HMGN5: variants seen among roughly 807,000 people sequenced by gnomAD.
HMGN5 encodes high mobility group nucleosome binding domain 5.
In HMGN5, 4 loss-of-function variants were observed where a neutral mutation model predicts 9.5. That is an observed-to-expected ratio of 0.42 (90% CI 0.21 to 0.96). HMGN5 has a LOEUF of 0.96. Among genes scored for constraint, HMGN5 ranks in the 40% least tolerant of loss-of-function variants. HMGN5 has a pLI of 0.30. For missense variants in HMGN5, 192 were observed against 187.5 expected, an observed-to-expected ratio of 1.02 and a Z score of -0.14; for synonymous variants, 55 against 57.1, an observed-to-expected ratio of 0.96 and a Z score of 0.16.
intron 1 of HMGN5, among the ~76,000 whole-genome samples, chrX:81,143,657 C>T (rs748841295): frequency 1.2e-4 from 14 of 112,462 alleles, no homozygotes; most frequent in East Asian, 5.7e-4. Flanking sequence ...CTGTGCTTTT[C>T]GCATGGTCTT....
chrX:81,119,637 G>C (rs1005920656), intron 3 of HMGN5, 151 bp downstream of exon 3: 9 of 393,387 alleles, frequency 2.3e-5, no homozygotes, highest in African/African-American at 1.8e-4. Context: ...TCTGAAATTC[G>C]GATATATATT....
At chrX:81,125,103 A>G (rs899094223) in intron 1 of HMGN5, among the ~76,000 whole-genome samples, 2 of 108,631 alleles carry the variant, frequency 1.8e-5, no homozygotes, top group Non-Finnish European at 3.8e-5. Context: ...TATATATATG[A>G]TTAATTAAAA....
chrX:81,124,917 C>A (rs1394141789), intron 1 of HMGN5, among the ~76,000 whole-genome samples: 1 of 110,209 alleles, frequency 9.1e-6, no homozygotes, highest in East Asian at 2.8e-4. Flanking sequence ...CATTTAGTAA[C>A]CAGTTAAAAA....
intron 1 of HMGN5, among the ~76,000 whole-genome samples, chrX:81,177,530 T>C (rs867109603): frequency 5.3e-4 from 58 of 110,145 alleles, no homozygotes; most frequent in African/African-American, 1.9e-3. Context: ...TAAATATATA[T>C]GTACCCAATA....
chrX:81,153,177 G>T (rs189444307), intron 1 of HMGN5, among the ~76,000 whole-genome samples: 23 of 108,263 alleles, frequency 2.1e-4, no homozygotes, highest in African/African-American at 5.4e-4. Flanking sequence ...AATAAAAAAA[G>T]AAAACTATAG....
At chrX:81,187,938 T>C (rs1268575096) in intron 1 of HMGN5, among the ~76,000 whole-genome samples, 1 of 111,585 alleles carries the variant, frequency 9.0e-6, no homozygotes, top group Non-Finnish European at 1.9e-5. Context: ...CCATTATTTT[T>C]AGTTAGAAAC....
chrX:81,142,812 C>T (rs1374182987), intron 1 of HMGN5, among the ~76,000 whole-genome samples: 1 of 111,489 alleles, frequency 9.0e-6, no homozygotes, highest in Non-Finnish European at 1.9e-5. Context: ...AGTAAGTAAA[C>T]AGAAACACAC....
At position 81,120,677 on chromosome X, in the gene HMGN5, A is replaced by G. The variant is rs140989967; in HGVS notation, c.15+858T>C. Among the ~76,000 whole-genome samples the G allele has an allele frequency of 4.6e-3, 517 of 111,607 alleles. 1 individual carries two copies. The highest frequency in any genetic ancestry group is 7.5e-3 in the Non-Finnish European group (399 of 53,158). ...TAGTGTTATACGGTTTTACCAAGCA[A>G]TGAAACAGCGTTCGATTTCACTTCT... On this transcript the variant is annotated intron_variant, in intron 2 of 6. Coordinates refer to ENST00000358130, the MANE Select transcript of HMGN5 (RefSeq NM_030763.3).
At chrX:81,198,551 T>C (rs1401885479) in intron 1 of HMGN5, among the ~76,000 whole-genome samples, 1 of 111,822 alleles carries the variant, frequency 8.9e-6, no homozygotes, top group Non-Finnish European at 1.9e-5. Context: ...GCTTCATCCC[T>C]GGGATGCAAG....
At chrX:81,171,434 A>G (rs923438098) in intron 1 of HMGN5, among the ~76,000 whole-genome samples, 2 of 111,871 alleles carry the variant, frequency 1.8e-5, no homozygotes, top group African/African-American at 6.5e-5. Context: ...CTAGTTCTAC[A>G]TAAACTTTGG....
intron 1 of HMGN5, among the ~76,000 whole-genome samples, chrX:81,167,553 T>C (rs752440550): frequency 3.6e-5 from 4 of 112,023 alleles, no homozygotes; most frequent in Admixed American, 1.9e-4. Context: ...CTTATATTTA[T>C]TTTTCTATCT....
intron 1 of HMGN5, among the ~76,000 whole-genome samples, chrX:81,159,952 T>C (rs1161720267): frequency 8.9e-6 from 1 of 112,338 alleles, no homozygotes; most frequent in Non-Finnish European, 1.9e-5. Context: ...TAGATATAAT[T>C]TATTGACATA....
At chrX:81,168,843 A>G (rs2147633515) in intron 1 of HMGN5, among the ~76,000 whole-genome samples, 1 of 111,681 alleles carries the variant, frequency 9.0e-6, no homozygotes, top group African/African-American at 3.3e-5. Context: ...AGTGCTTGGG[A>G]ACTAAGACTG....
At chrX:81,188,627 T>C (rs2075485242) in intron 1 of HMGN5, among the ~76,000 whole-genome samples, 1 of 105,000 alleles carries the variant, frequency 9.5e-6, no homozygotes, top group African/African-American at 3.5e-5. Flanking sequence ...CCCTCCCCCC[T>C]CTCCCCACCC....
chrX:81,170,181 C>T (rs2075422172), intron 1 of HMGN5, among the ~76,000 whole-genome samples: 1 of 109,445 alleles, frequency 9.1e-6, no homozygotes, highest in Non-Finnish European at 1.9e-5. Flanking sequence ...GGAGGCATTA[C>T]TACAGCAAGG....
intron 1 of HMGN5, among the ~76,000 whole-genome samples, chrX:81,158,058 G>A (rs1395996427): frequency 9.0e-6 from 1 of 111,573 alleles, no homozygotes; most frequent in Non-Finnish European, 1.9e-5. Context: ...GGGATTACAG[G>A]TGTGAGCCAC....
chrX:81,141,575 C>T (rs985280649), intron 1 of HMGN5, among the ~76,000 whole-genome samples: 5 of 111,526 alleles, frequency 4.5e-5, no homozygotes, highest in Non-Finnish European at 7.5e-5. Flanking sequence ...ACAGAATATT[C>T]TCCCAGTTCT....
At chrX:81,191,987 A>G (rs991467119) in intron 1 of HMGN5, among the ~76,000 whole-genome samples, 1 of 111,244 alleles carries the variant, frequency 9.0e-6, no homozygotes, top group Non-Finnish European at 1.9e-5. Flanking sequence ...TTTTTTCTAT[A>G]TAAGTAAAGT....
intron 1 of HMGN5, among the ~76,000 whole-genome samples, chrX:81,126,097 G>T (rs749153490): frequency 8.3e-5 from 8 of 95,904 alleles, no homozygotes; most frequent in African/African-American, 3.2e-4. Flanking sequence ...GCAATGAGCC[G>T]AGATCATGCC....
Sources: gnomAD v4.1 joint callset for allele counts (sites outside exome capture counted in the v4.1 genomes callset) on GRCh38, gnomAD v4.1.1 for gene constraint, MANE v1.5 for transcripts, NCBI Gene and HGNC (gene_info 2026-07-23, HGNC 2026-07-21) for gene names.